Variants in MYO6 observed in about 807,000 individuals in gnomAD.
The protein encoded by MYO6 is unconventional myosin-VI.
Under a neutral mutation model 178.7 loss-of-function variants are expected in MYO6, and 74 were observed. That is an observed-to-expected ratio of 0.41 (90% CI 0.34 to 0.50). The LOEUF is 0.50. MYO6 is among the 20% of genes least tolerant of loss of function. The probability of loss-of-function intolerance (pLI) is 0.09; values close to 1 mark genes in which losing one functional copy is unlikely to be tolerated. For missense variants in MYO6, 1,330 were observed against 1,547.4 expected (o/e 0.86, Z 2.36); for synonymous variants, 477 against 504.6 (o/e 0.95, Z 0.73).
chr6:75,839,828 TTAATA>T (rs1240457064), intron 7 of MYO6, among the ~76,000 whole-genome samples: 3 of 152,122 alleles, frequency 2.0e-5, no homozygotes, highest in Admixed American at 6.6e-5. Context: ...ATGGAGACTA[TTAATA>T]TGTGAAATGT....
chr6:75,815,057 G>T (rs181057900), intron 1 of MYO6, among the ~76,000 whole-genome samples: 2 of 152,264 alleles, frequency 1.3e-5, no homozygotes, highest in Admixed American at 1.3e-4. Context: ...TTACCTTTTG[G>T]TAGGATTACC....
chr6:75,831,440 T>A (rs1773064478), intron 5 of MYO6, among the ~76,000 whole-genome samples: 1 of 152,240 alleles, frequency 6.6e-6, no homozygotes, highest in Admixed American at 6.5e-5. Context: ...GAAGAAGCTA[T>A]GACAGGCATC....
At chr6:75,870,994 CTTATT>C (rs1052791017) in intron 19 of MYO6, among the ~76,000 whole-genome samples, 2 of 152,154 alleles carry the variant, frequency 1.3e-5, no homozygotes, top group East Asian at 1.9e-4. Flanking sequence ...GAAATTCAAT[CTTATT>C]TTATTACTCT....
chr6:75,869,670 CAAAT>C (rs1230124732), intron 18 of MYO6, among the ~76,000 whole-genome samples: 4 of 152,020 alleles, frequency 2.6e-5, no homozygotes, highest in African/African-American at 9.7e-5. Context: ...AGTAGTAAGG[CAAAT>C]AAATGATTTT....
chr6:75,861,522 C>T (rs531818866), intron 15 of MYO6, among the ~76,000 whole-genome samples: 3 of 151,184 alleles, frequency 2.0e-5, no homozygotes, highest in Non-Finnish European at 4.4e-5. Context: ...TAACTGGTTG[C>T]GAGCTGGCTT....
chr6:75,756,956 T>TATGTATACACACATATATAGTGTGTATAC (rs1777431807), intron 1 of MYO6, among the ~76,000 whole-genome samples: 2 of 30,728 alleles, frequency 6.5e-5, no homozygotes, highest in African/African-American at 1.5e-4. Context: ...TATGTGTATA[T>TATGTATACACACATATATAGTGTGTATAC]ATGTATACAC....
rs1781236313 is a variant in MYO6, at chr6:75,918,354, AAG to A, written c.*3346_*3347del. 3 of 152,284 alleles carry A rather than the reference AAG, an allele frequency of 2.0e-5. No homozygotes were observed. The highest frequency in any genetic ancestry group is 6.5e-5 in the Admixed American group (1 of 15,284). 9.4% of individuals were successfully genotyped at this position (152,284 alleles called of 1,614,324 possible). ...TAAGGAAAGAGAAGAGCAACAGTGG[AAG>A]AGACAGGTTGTGTGCCCCTAAAGAT... On this transcript the variant is annotated 3_prime_UTR_variant, in exon 35 of 35. Coordinates refer to ENST00000369977, the MANE Select transcript of MYO6 (RefSeq NM_004999.4).
intron 1 of MYO6, among the ~76,000 whole-genome samples, chr6:75,754,793 G>A (rs1182834772): frequency 6.6e-6 from 1 of 152,094 alleles, no homozygotes; most frequent in African/African-American, 2.4e-5. Flanking sequence ...AGACATATAC[G>A]TCAAAAGCTA....
chr6:75,908,399 TAAA>T (rs1193996667), intron 31 of MYO6, 94 bp from the exon 32 acceptor site: 49 of 1,201,538 alleles, frequency 4.1e-5, no homozygotes, highest in Non-Finnish European at 4.7e-5. Context: ...AATTTAAAAA[TAAA>T]AAAATCTCCT....
At chr6:75,886,747 CAGA>C in intron 24 of MYO6, 94 bp from the exon 25 acceptor site, 1 of 1,178,684 alleles carries the variant, frequency 8.5e-7, no homozygotes, top group Non-Finnish European at 1.3e-6. Context: ...ATATTGAAAA[CAGA>C]AGTGAAATAC....
chr6:75,756,483 C>T (rs538005344), intron 1 of MYO6, among the ~76,000 whole-genome samples: 39 of 152,198 alleles, frequency 2.6e-4, no homozygotes, highest in Non-Finnish European at 4.7e-4. Flanking sequence ...CAGGTGCTCA[C>T]GACCATGCCT....
chr6:75,911,723 G>T lies in MYO6; in HGVS notation c.3439+25G>T, dbSNP rs1780769002. 2.5e-6 allele frequency: 4 copies of T among 1,605,542 alleles called. No homozygotes were observed. In the East Asian group the frequency reaches 6.7e-5, roughly 27 times the overall value. On this transcript the variant is annotated intron_variant, in intron 33 of 34. Coordinates refer to ENST00000369977, the MANE Select transcript of MYO6 (RefSeq NM_004999.4). ...CGTAAGTCAATGGGTGGTAACTCAT[G>T]AGCTAACTGGAAGATGGGTTAAAAT...
chr6:75,896,846 A>G (rs1162171424), intron 29 of MYO6, among the ~76,000 whole-genome samples: 1 of 152,306 alleles, frequency 6.6e-6, no homozygotes, highest in East Asian at 1.9e-4. Context: ...TATAGTTACC[A>G]TTTGAGCTTG....
Position 75,847,877 on chromosome 6 carries a change from G to A in MYO6, c.898-474G>A, listed in dbSNP as rs188050802. Among the ~76,000 whole-genome samples, 1,167 of 151,400 alleles carry A rather than the reference G, an allele frequency of 7.7e-3. 7 individuals carry two copies. Among genetic ancestry groups the A allele is most frequent in the Non-Finnish European group, 0.011 (748 of 67,810 alleles). On this transcript the variant is annotated intron_variant, in intron 10 of 34. Coordinates refer to ENST00000369977, the MANE Select transcript of MYO6 (RefSeq NM_004999.4). Reference sequence around the variant, plus strand: ...TCTTTTTTTAATTAACAAGAATAATGTATATTTATACAGTACATTGGAATA... The same window carrying A: ...TCTTTTTTTAATTAACAAGAATAATATATATTTATACAGTACATTGGAATA...
intron 5 of MYO6, among the ~76,000 whole-genome samples, chr6:75,832,067 A>T (rs1773153852): frequency 6.6e-6 from 1 of 152,148 alleles, no homozygotes; most frequent in Non-Finnish European, 1.5e-5. Context: ...CCTAGTTTTG[A>T]ATTAAAGTTG....
rs3798439 is a variant in MYO6 at position 75,857,017 on chromosome 6, T to G, written c.1224-80T>G. 0.82 allele frequency: 1,074,239 copies of G among 1,302,266 alleles called. 450,206 individuals are homozygous for G. The highest frequency in any genetic ancestry group is 0.86 in the Admixed American group (48,617 of 56,282). The allele number at this position is 1,302,266 out of a possible 1,614,324, so 80.7% of individuals were successfully genotyped here. A position where few individuals can be genotyped will look rare whatever the true frequency, so the allele number is the denominator to read the frequency against. ...ACTCTTTATTTTGTTCTTCTCTGTG[T>G]GTATGTTTAGGTGCACTCTGTGGCA... On this transcript the variant is annotated intron_variant, in intron 12 of 34. Coordinates refer to ENST00000369977, the MANE Select transcript of MYO6 (RefSeq NM_004999.4).
chr6:75,912,748 TA>T (rs1418915000), intron 33 of MYO6, among the ~76,000 whole-genome samples: 2 of 152,090 alleles, frequency 1.3e-5, no homozygotes, highest in African/African-American at 4.8e-5. Flanking sequence ...TTTGAAAACT[TA>T]AAAGTAGAAA....
chr6:75,891,368 C>T (rs1778888941), intron 27 of MYO6, 62 bp downstream of exon 27: 5 of 1,283,416 alleles, frequency 3.9e-6, no homozygotes, highest in Non-Finnish European at 4.4e-6. Flanking sequence ...TGTGGTGGCT[C>T]ATGCCTGTAA....
intron 25 of MYO6, among the ~76,000 whole-genome samples, chr6:75,887,881 A>G (rs1778581331): frequency 6.6e-6 from 1 of 151,044 alleles, no homozygotes; most frequent in African/African-American, 2.4e-5. Flanking sequence ...TGGGAGGCTG[A>G]GGCAGGAGAA....
Sources: gnomAD v4.1 joint callset for allele counts (sites outside exome capture counted in the v4.1 genomes callset) on GRCh38, gnomAD v4.1.1 for gene constraint, MANE v1.5 for transcripts, NCBI Gene and HGNC (gene_info 2026-07-23, HGNC 2026-07-21) for gene names.